Variants in CPLANE1 observed in about 807,000 individuals in gnomAD.
The protein encoded by CPLANE1 is ciliogenesis and planar polarity effector complex subunit 1.
A neutral mutation model predicts 362.5 loss-of-function variants in CPLANE1; 263 were observed. The ratio of observed to expected loss-of-function variants is 0.73; its 90% confidence interval spans 0.66 to 0.80. The LOEUF is 0.80. CPLANE1 is among the 30% of genes least tolerant of loss of function. The pLI is 0.00. For synonymous variants in CPLANE1, 1,212 were observed against 1,302.6 expected (o/e 0.93, Z 1.50); for missense variants, 3,461 against 3,793.4 (o/e 0.91, Z 2.30).
intron 15 of CPLANE1, among the ~76,000 whole-genome samples, chr5:37,214,200 T>C (rs1793404838): frequency 6.6e-6 from 1 of 152,220 alleles, no homozygotes; most frequent in Non-Finnish European, 1.5e-5. Flanking sequence ...TACAGTGGCT[T>C]ACACCTATAA....
chr5:37,201,884 C>A, intron 18 of CPLANE1, 76 bp from the exon 19 acceptor site: 1 of 1,008,872 alleles, frequency 9.9e-7, no homozygotes, highest in Non-Finnish European at 1.4e-6. Context: ...GAAAAAATTT[C>A]AAATCTAAAA....
Position 37,229,320 on chromosome 5 carries a change from G to A in CPLANE1, c.1122-1503C>T, listed in dbSNP as rs918397912. On this transcript the variant is annotated intron_variant, in intron 9 of 52. Transcript: ENST00000651892. ...TGTAATCCTAGCACTTTGGGAAGCCGAGGCGGGAGGATCACAAGGTCAGTT... is the reference window on the plus strand; with the variant it reads ...TGTAATCCTAGCACTTTGGGAAGCCAAGGCGGGAGGATCACAAGGTCAGTT... Among the ~76,000 whole-genome samples, 17 of 151,850 alleles carry A rather than the reference G, an allele frequency of 1.1e-4. No individual in the cohort carries two copies. In the East Asian group the frequency reaches 1.6e-3, roughly 14 times the overall value.
chr5:37,137,607 C>T (rs1768122131), intron 46 of CPLANE1, among the ~76,000 whole-genome samples: 1 of 152,220 alleles, frequency 6.6e-6, no homozygotes, highest in Non-Finnish European at 1.5e-5. Context: ...AATTAACTCA[C>T]AGTTCAGCAT....
Position 37,206,226 on chromosome 5 carries a change from C to T in CPLANE1, c.3120G>A (p.Leu1040=), listed in dbSNP as rs1411590372. The T allele has an allele frequency of 6.4e-7, 1 of 1,551,812 alleles. No individual in the cohort carries two copies. Among genetic ancestry groups the T allele is most frequent in the Non-Finnish European group, 8.7e-7 (1 of 1,146,952 alleles). The change falls in exon 17 of 53, where the codon CTG becomes CTA. Residue 1040 remains leucine (L), a synonymous_variant. Coordinates refer to ENST00000651892, the MANE Select transcript of CPLANE1 (RefSeq NM_001384732.1). ...TSVSIGVAFQ[L]FCKRDSNFMR... is the part of the protein sequence containing the mutation. ...TGAAATTGCTATCACGTTTACAGAA[C>T]AGCTGGAAAGCCACACCAATTGAAA...
chr5:37,138,497 T>C (rs779832996), intron 46 of CPLANE1: 3 of 661,498 alleles, frequency 4.5e-6, no homozygotes, highest in Non-Finnish European at 8.5e-6. Flanking sequence ...ATGTATGTTG[T>C]ACTTAGAGTG....
rs187574543 is a variant in CPLANE1, at chr5:37,155,007, A to T, written c.8120-1014T>A. Among the ~76,000 whole-genome samples the T allele has an allele frequency of 2.7e-3, 409 of 152,336 alleles. 1 individual carries two copies. The highest frequency in any genetic ancestry group is 8.5e-3 in the African/African-American group (353 of 41,574). On this transcript the variant is annotated intron_variant, in intron 41 of 52. Transcript: ENST00000651892. ...CTCTCTTTCCTTCAGATCCAAAGTG[A>T]CAACAAGTATTGATGATTCTACCTG...
chr5:37,224,838 A>C, intron 12 of CPLANE1, 98 bp from the exon 13 acceptor site: 1 of 709,006 alleles, frequency 1.4e-6, no homozygotes. Flanking sequence ...TGTATTCTTC[A>C]TCGGTATAAC....
At chr5:37,083,147 C>G in the CPLANE1 span, among the ~76,000 whole-genome samples, 1 of 152,198 alleles carries the variant, frequency 6.6e-6, no homozygotes, top group African/African-American at 2.4e-5. Context: ...GCCTGGCAGA[C>G]TTGCTGGGTG....
At position 37,157,694 on chromosome 5, in the gene CPLANE1, G is replaced by A. The variant is rs187659028; in HGVS notation, c.7987C>T (p.Pro2663Ser). 6.2e-7 allele frequency: 1 copy of A among 1,613,368 alleles called. No individual in the cohort carries two copies. Among genetic ancestry groups the A allele is most frequent in the African/African-American group, 1.3e-5 (1 of 74,956 alleles). Residue 2663 changes from proline to serine, a missense_variant, in exon 40 of 53, where the codon CCC (proline) becomes TCC (serine). Transcript: ENST00000651892. The stretch of plus-strand genomic sequence containing the variant: ...CCTTGACTCTTAAAATTATGTGGGG[G>A]AACAGCATTAGTAACTGAAGCTGCC... ...YMAASVTNAV[P>S]PHNFKSQEVT...
intron 18 of CPLANE1, among the ~76,000 whole-genome samples, chr5:37,202,668 T>G (rs1447968295): frequency 6.6e-6 from 1 of 152,190 alleles, no homozygotes; most frequent in African/African-American, 2.4e-5. Context: ...TGAAATATTT[T>G]AAGCATACTG....
In CPLANE1 at chr5:37,238,869, G is replaced by A; in HGVS notation, c.926C>T (p.Ala309Val). Residue 309 changes from alanine to valine, a missense_variant, in exon 8 of 53, where the codon GCT becomes GTT. Transcript: ENST00000651892. ...AAAGAGTTCTTACCTAATAAGTGTA[G>A]CTGGAACCACGGGACTCTTGTTACT... ...GCSNKSPVVP[A>V]TLIRSYWVGD... The A allele has an allele frequency of 6.6e-7, 1 of 1,510,326 alleles. No individual in the cohort carries two copies. Among genetic ancestry groups the A allele is most frequent in the Non-Finnish European group, 8.9e-7 (1 of 1,127,418 alleles). The allele number at this position is 1,510,326 out of a possible 1,614,324, so 93.6% of individuals were successfully genotyped here.
At chr5:37,181,252 G>C (rs1039153392) in intron 26 of CPLANE1, among the ~76,000 whole-genome samples, 4 of 152,072 alleles carry the variant, frequency 2.6e-5, no homozygotes, top group Non-Finnish European at 4.4e-5. Flanking sequence ...AATTTGTAAG[G>C]CATATTGTCA....
intron 16 of CPLANE1, chr5:37,210,553 A>T: frequency 6.7e-7 from 1 of 1,502,136 alleles, no homozygotes; most frequent in Non-Finnish European, 9.2e-7. Flanking sequence ...GAGGAACTCA[A>T]TCAATCTATA....
chr5:37,104,176 C>T (rs1579714938), downstream of CPLANE1, among the ~76,000 whole-genome samples: 1 of 152,164 alleles, frequency 6.6e-6, no homozygotes, highest in African/African-American at 2.4e-5. Context: ...CTTGTGATTG[C>T]ACAGTGAATT....
chr5:37,136,854 C>T (rs1561366936), intron 46 of CPLANE1, among the ~76,000 whole-genome samples: 1 of 152,220 alleles, frequency 6.6e-6, no homozygotes, highest in South Asian at 2.1e-4. Flanking sequence ...ATGCAGGGCA[C>T]CAAGTCCCTA....
Position 37,227,257 on chromosome 5 carries a change from C to T in CPLANE1, c.1507G>A (p.Ala503Thr), listed in dbSNP as rs1064796585. Residue 503 changes from alanine (A) to threonine (T), a missense_variant, in exon 11 of 53, where the codon GCA (alanine) becomes ACA (threonine). Physicochemically the swap from Ala to Thr is moderately conservative, Grantham distance 58. Coordinates refer to ENST00000651892, the MANE Select transcript of CPLANE1 (RefSeq NM_001384732.1). ...LQAEETINEN[A>T]ADFQDFEAEE... ...CTGCTAAGTACCTGAAAATCTGCTG[C>T]ATTTTCATTTATTGTTTCTTCTGCC... 6.4e-7 allele frequency: 1 copy of T among 1,551,168 alleles called. No homozygotes were observed. The highest frequency in any genetic ancestry group is 1.2e-5 in the South Asian group (1 of 83,606).
At chr5:37,084,782 AT>A in the CPLANE1 span, among the ~76,000 whole-genome samples, 1 of 150,610 alleles carries the variant, frequency 6.6e-6, no homozygotes, top group African/African-American at 2.5e-5. Context: ...AAAAAAAGAT[AT>A]CTTTTTTTTT....
rs1799655260 is a variant in CPLANE1, at chr5:37,238,875, A to AC, written c.919dup (p.Val307GlyfsTer7). 1 of 1,522,702 alleles carries AC rather than the reference A, an allele frequency of 6.6e-7. No individual in the cohort carries two copies. Among genetic ancestry groups the AC allele is most frequent in the Non-Finnish European group, 8.8e-7 (1 of 1,134,756 alleles). 94.3% of individuals were successfully genotyped at this position (1,522,702 alleles called of 1,614,324 possible). A position where few individuals can be genotyped will look rare whatever the true frequency, so the allele number is the denominator to read the frequency against. ...TTCTTACCTAATAAGTGTAGCTGGA[A>AC]CCACGGGACTCTTGTTACTACATCC... On this transcript the variant is annotated frameshift_variant, in exon 8 of 53. Coordinates refer to ENST00000651892, the MANE Select transcript of CPLANE1 (RefSeq NM_001384732.1). LOFTEE classifies it high-confidence loss of function.
At chr5:37,192,162 A>G (rs1314548027) in intron 21 of CPLANE1, among the ~76,000 whole-genome samples, 3 of 152,142 alleles carry the variant, frequency 2.0e-5, no homozygotes, top group African/African-American at 7.2e-5. Context: ...AATATTTACC[A>G]TTGTGTTAAA....
Sources: allele counts gnomAD v4.1 joint callset (sites outside exome capture counted in the v4.1 genomes callset), GRCh38; gene constraint gnomAD v4.1.1; transcripts MANE v1.5; gene names NCBI Gene and HGNC (gene_info 2026-07-23, HGNC 2026-07-21).